GALNT17: variants seen among roughly 807,000 people sequenced by gnomAD.
The protein encoded by GALNT17 is polypeptide N-acetylgalactosaminyltransferase 17.
In GALNT17, 29 loss-of-function variants were observed where a neutral mutation model predicts 63.7. That is an observed-to-expected ratio of 0.46 (90% confidence interval 0.34 to 0.62). The LOEUF is 0.62. Ranked by LOEUF, GALNT17 falls within the 20% of genes least tolerant of loss-of-function variation. The pLI is 0.01. For missense variants in GALNT17, 603 were observed against 799.6 expected, an observed-to-expected ratio of 0.75 and a Z score of 2.97; for synonymous variants, 305 against 318.3, an observed-to-expected ratio of 0.96 and a Z score of 0.45.
intron 1 of GALNT17, among the ~76,000 whole-genome samples, chr7:71,198,116 T>C (rs1789091232): frequency 6.7e-6 from 1 of 150,120 alleles, no homozygotes; most frequent in Non-Finnish European, 1.5e-5. Context: ...GAGAATCGCT[T>C]GAACCCAGGA....
intron 1 of GALNT17, among the ~76,000 whole-genome samples, chr7:71,294,968 A>G (rs1242386613): frequency 1.3e-5 from 2 of 152,112 alleles, no homozygotes; most frequent in Non-Finnish European, 2.9e-5. Context: ...TCTTTTATCA[A>G]TATATAATGT....
intron 1 of GALNT17, among the ~76,000 whole-genome samples, chr7:71,275,382 A>G (rs1345847302): frequency 6.6e-6 from 1 of 152,178 alleles, no homozygotes; most frequent in African/African-American, 2.4e-5. Context: ...CCTGGGAAAC[A>G]TAGTGAAATC....
rs188327583 is a variant in GALNT17, at chr7:71,338,333, A to T, written c.422+2600A>T. Among the ~76,000 whole-genome samples, 361 of 147,684 alleles carry T rather than the reference A, an allele frequency of 2.4e-3. 1 individual carries two copies. The highest frequency in any genetic ancestry group is 0.02 in the East Asian group (103 of 5,152). On this transcript the variant is annotated intron_variant, in intron 2 of 10. Transcript: ENST00000333538. Reference sequence around the variant, plus strand: ...AAGAGCGAGACTCCGTCTCAAAAAAAAAATAAATAAATAAAAAATAAATAA... The same window carrying T: ...AAGAGCGAGACTCCGTCTCAAAAAATAAATAAATAAATAAAAAATAAATAA...
chr7:71,326,687 G>A (rs558528702), intron 1 of GALNT17, among the ~76,000 whole-genome samples: 1 of 152,146 alleles, frequency 6.6e-6, no homozygotes, highest in African/African-American at 2.4e-5. Context: ...TATTCTAGTT[G>A]GTTTTTGCTG....
chr7:71,474,723 C>T (rs1241825105), intron 5 of GALNT17, among the ~76,000 whole-genome samples: 1 of 152,190 alleles, frequency 6.6e-6, no homozygotes, highest in African/African-American at 2.4e-5. Flanking sequence ...GCTATCCCTA[C>T]AGCAATGGGC....
At chr7:71,165,719 T>C (rs1339367556) in intron 1 of GALNT17, among the ~76,000 whole-genome samples, 1 of 152,242 alleles carries the variant, frequency 6.6e-6, no homozygotes, top group Non-Finnish European at 1.5e-5. Flanking sequence ...ACGATTTTCC[T>C]TTGTATTGCA....
intron 6 of GALNT17, among the ~76,000 whole-genome samples, chr7:71,650,669 A>G (rs558239007): frequency 4.9e-4 from 75 of 152,334 alleles, no homozygotes; most frequent in Admixed American, 1.8e-3. Context: ...ATAGTTAAAC[A>G]TAGCTTATCT....
At position 71,438,885 on chromosome 7, in the gene GALNT17, C is replaced by CTT. The variant is rs199548314; in HGVS notation, c.962+17795_962+17796dup. On this transcript the variant is annotated intron_variant, in intron 5 of 10. Coordinates refer to ENST00000333538, the MANE Select transcript of GALNT17 (RefSeq NM_022479.3). The stretch of plus-strand genomic sequence containing the variant: ...ACTCTGGTCGCTAATAAAAGATAGA[C>CTT]TTTTTTTTTTTTTTTTGGAGACAAG... Among the ~76,000 whole-genome samples, 334 of 138,232 alleles carry CTT rather than the reference C, an allele frequency of 2.4e-3. 2 individuals carry two copies. The highest frequency in any genetic ancestry group is 8.4e-3 in the African/African-American group (316 of 37,790). 90.7% of individuals were successfully genotyped at this position (138,232 alleles called of 152,430 possible).
At chr7:71,423,418 C>G (rs1010756002) in intron 5 of GALNT17, among the ~76,000 whole-genome samples, 31 of 152,148 alleles carry the variant, frequency 2.0e-4, no homozygotes, top group African/African-American at 7.5e-4. Context: ...GTGAGTTCTA[C>G]TTGAGGACCA....
In GALNT17 at chr7:71,710,923, A is replaced by G; in HGVS notation, c.1663A>G (p.Ile555Val). ...CAGCCTGTACAAGCGCTGGAACTTC[A>G]TCCAGGTGAGTGCTGTATGGACAGA... Reference protein sequence around the residue: ...KSSLYKRWNFIQNGAIMNKGT... With the variant: ...KSSLYKRWNFVQNGAIMNKGT... Residue 555 changes from isoleucine to valine, a missense_variant, in exon 10 of 11, where the codon ATC becomes GTC. Coordinates refer to ENST00000333538, the MANE Select transcript of GALNT17 (RefSeq NM_022479.3). The G allele has an allele frequency of 3.7e-6, 6 of 1,613,636 alleles. No homozygotes were observed. Among genetic ancestry groups the G allele is most frequent in the Non-Finnish European group, 5.1e-6 (6 of 1,180,008 alleles).
At chr7:71,283,074 C>T (rs1294571878) in intron 1 of GALNT17, among the ~76,000 whole-genome samples, 1 of 152,014 alleles carries the variant, frequency 6.6e-6, no homozygotes, top group African/African-American at 2.4e-5. Flanking sequence ...CTCTGTTACC[C>T]ATGCAGGAGT....
intron 6 of GALNT17, among the ~76,000 whole-genome samples, chr7:71,645,907 G>A (rs1018858699): frequency 4.6e-5 from 7 of 152,130 alleles, no homozygotes; most frequent in African/African-American, 1.7e-4. Context: ...ATGTCATTTT[G>A]TGCCTAGGCC....
At chr7:71,517,320 G>A (rs2116741195) in intron 5 of GALNT17, among the ~76,000 whole-genome samples, 1 of 152,126 alleles carries the variant, frequency 6.6e-6, no homozygotes, top group East Asian at 1.9e-4. Flanking sequence ...CATCATTGGG[G>A]CCCCACTCAC....
At chr7:71,304,966 C>T (rs1011592313) in intron 1 of GALNT17, among the ~76,000 whole-genome samples, 5 of 151,906 alleles carry the variant, frequency 3.3e-5, no homozygotes, top group African/African-American at 4.8e-5. Context: ...GGCTGGCCTC[C>T]GTGATTCACC....
chr7:71,288,741 C>A (rs574517492), intron 1 of GALNT17, among the ~76,000 whole-genome samples: 1 of 152,058 alleles, frequency 6.6e-6, no homozygotes, highest in African/African-American at 2.4e-5. Context: ...CAGAGGGTCC[C>A]AGAACTGGGT....
intron 6 of GALNT17, among the ~76,000 whole-genome samples, chr7:71,626,073 G>A (rs1267189016): frequency 6.6e-6 from 1 of 151,936 alleles, no homozygotes; most frequent in African/African-American, 2.4e-5. Context: ...GTGAAACCCT[G>A]TCTCTACTAA....
intron 2 of GALNT17, among the ~76,000 whole-genome samples, chr7:71,384,706 A>G (rs1426363212): frequency 1.3e-5 from 2 of 152,192 alleles, no homozygotes; most frequent in African/African-American, 2.4e-5. Flanking sequence ...CTGTCATTGC[A>G]TTGTGAGTCT....
intron 3 of GALNT17, among the ~76,000 whole-genome samples, chr7:71,410,138 T>C (rs1793403797): frequency 6.6e-6 from 1 of 152,222 alleles, no homozygotes; most frequent in African/African-American, 2.4e-5. Flanking sequence ...CTAGTCATTC[T>C]AGGACAATAG....
At chr7:71,236,338 A>G (rs547582262) in intron 1 of GALNT17, among the ~76,000 whole-genome samples, 196 of 152,196 alleles carry the variant, frequency 1.3e-3, no homozygotes, top group African/African-American at 4.5e-3. Context: ...AGCTCCAAAG[A>G]CCAAACTGAA....
Sources: gnomAD v4.1 joint callset for allele counts (sites outside exome capture counted in the v4.1 genomes callset) on GRCh38, gnomAD v4.1.1 for gene constraint, MANE v1.5 for transcripts, NCBI Gene and HGNC (gene_info 2026-07-23, HGNC 2026-07-21) for gene names.